The following FGF12 variants were observed in gnomAD, a reference collection of about 807,000 sequenced individuals.
FGF12 encodes fibroblast growth factor 12, also known as fibroblast growth factor 12B.
A neutral mutation model predicts 23.6 loss-of-function variants in FGF12; 14 were observed. The observed-to-expected ratio is 0.59, with a 90% CI of 0.39 to 0.93. FGF12 has a LOEUF of 0.93. FGF12 is among the 40% of genes least tolerant of loss of function. The pLI is 0.00. For missense variants in FGF12, 175 were observed against 217.8 expected, an observed-to-expected ratio of 0.80 and a Z score of 1.24; for synonymous variants, 62 against 77.3, an observed-to-expected ratio of 0.80 and a Z score of 1.04.
chr3:192,220,260 C>T (rs1039747215), intron 4 of FGF12, among the ~76,000 whole-genome samples: 1 of 152,186 alleles, frequency 6.6e-6, no homozygotes, highest in African/African-American at 2.4e-5. Context: ...CTCCACCTAG[C>T]ATCAAAGACC....
chr3:192,552,534 T>TA (rs1577050057), intron 2 of FGF12, among the ~76,000 whole-genome samples: 2 of 78,442 alleles, frequency 2.5e-5, no homozygotes, highest in Admixed American at 2.3e-4. Flanking sequence ...TTAAAATGTA[T>TA]CAAAAAAAAC....
chr3:192,374,008 AACAGTTTCCCATTT>A (rs1376454448), intron 2 of FGF12, among the ~76,000 whole-genome samples: 5 of 152,210 alleles, frequency 3.3e-5, no homozygotes, highest in African/African-American at 1.2e-4. Context: ...AAAAATTGAA[AACAGTTTCCCATTT>A]ACATGTGACA....
intron 2 of FGF12, among the ~76,000 whole-genome samples, chr3:192,368,122 A>G (rs1444728519): frequency 2.0e-5 from 3 of 152,112 alleles, no homozygotes; most frequent in Admixed American, 6.6e-5. Flanking sequence ...AAAAAAACAG[A>G]GCAGAAAAGA....
intron 2 of FGF12, among the ~76,000 whole-genome samples, chr3:192,688,658 C>T (rs1717843927): frequency 6.6e-6 from 1 of 151,846 alleles, no homozygotes; most frequent in Non-Finnish European, 1.5e-5. Flanking sequence ...TAAAGAAGCT[C>T]AGTAAAAAAT....
At chr3:192,428,322 A>C (rs1721754056) in intron 2 of FGF12, among the ~76,000 whole-genome samples, 1 of 152,186 alleles carries the variant, frequency 6.6e-6, no homozygotes, top group Non-Finnish European at 1.5e-5. Context: ...GGTGTGTTAG[A>C]GGGAAGAATC....
At chr3:192,182,100 T>C (rs941492466) in intron 4 of FGF12, among the ~76,000 whole-genome samples, 5 of 152,166 alleles carry the variant, frequency 3.3e-5, no homozygotes, top group African/African-American at 1.2e-4. Flanking sequence ...TAATTAATTA[T>C]AGGCTGGATA....
intron 4 of FGF12, among the ~76,000 whole-genome samples, chr3:192,197,715 C>A (rs944378208): frequency 1.3e-5 from 2 of 151,988 alleles, no homozygotes; most frequent in African/African-American, 2.4e-5. Context: ...GAGGCCGAGG[C>A]GGGAAGATCA....
At chr3:192,159,492 T>C (rs905599171) in intron 5 of FGF12, among the ~76,000 whole-genome samples, 12 of 152,176 alleles carry the variant, frequency 7.9e-5, no homozygotes, top group African/African-American at 2.9e-4. Flanking sequence ...AGCAATTACA[T>C]TCATTTTCTT....
intron 2 of FGF12, among the ~76,000 whole-genome samples, chr3:192,536,997 C>G (rs1277507109): frequency 6.6e-6 from 1 of 152,054 alleles, no homozygotes; most frequent in African/African-American, 2.4e-5. Flanking sequence ...TGTCTATCCC[C>G]CTGAGTTCAA....
intron 3 of FGF12, among the ~76,000 whole-genome samples, chr3:192,353,153 C>A (rs1718301233): frequency 6.6e-6 from 1 of 152,158 alleles, no homozygotes; most frequent in African/African-American, 2.4e-5. Flanking sequence ...AAGCACTAGT[C>A]ATCACACAGA....
intron 4 of FGF12, among the ~76,000 whole-genome samples, chr3:192,324,216 CAGAT>C (rs1276393510): frequency 6.6e-6 from 1 of 151,974 alleles, no homozygotes; most frequent in Non-Finnish European, 1.5e-5. Context: ...TCTCTTTCAA[CAGAT>C]AAAGTCTTGA....
Position 192,142,386 on chromosome 3 carries a change from T to C in FGF12, c.*1623A>G, listed in dbSNP as rs532920249. 6.5e-6 allele frequency: 1 copy of C among 152,674 alleles called. No individual in the cohort carries two copies. Among genetic ancestry groups the C allele is most frequent in the Admixed American group, 6.5e-5 (1 of 15,284 alleles). 9.5% of individuals were successfully genotyped at this position (152,674 alleles called of 1,614,324 possible). On this transcript the variant is annotated 3_prime_UTR_variant, in exon 6 of 6. Transcript: ENST00000445105. ...AGTGTATATATTTTAGGGAGTCATA[T>C]TTGGAACAATACATGCTGGACAGTA...
intron 2 of FGF12, among the ~76,000 whole-genome samples, chr3:192,620,752 A>G (rs143761196): frequency 6.6e-6 from 1 of 152,238 alleles, no homozygotes; most frequent in African/African-American, 2.4e-5. Context: ...CCCAGCTGTG[A>G]GCCCCCCAAC....
chr3:192,675,455 C>G (rs1456922507), intron 2 of FGF12, among the ~76,000 whole-genome samples: 1 of 152,084 alleles, frequency 6.6e-6, no homozygotes, highest in Non-Finnish European at 1.5e-5. Context: ...CACACTCAGA[C>G]ATTTTTGAGA....
At chr3:192,531,117 G>C (rs758991438) in intron 2 of FGF12, among the ~76,000 whole-genome samples, 49 of 152,150 alleles carry the variant, frequency 3.2e-4, no homozygotes, top group Admixed American at 1.4e-3. Flanking sequence ...CAGCCCTGCA[G>C]TTTAATGTTT....
intron 2 of FGF12, among the ~76,000 whole-genome samples, chr3:192,515,957 C>A (rs1359218305): frequency 6.6e-6 from 1 of 151,846 alleles, no homozygotes; most frequent in Non-Finnish European, 1.5e-5. Context: ...CAAGAGGGGA[C>A]TTTAGGGGAC....
intron 2 of FGF12, among the ~76,000 whole-genome samples, chr3:192,537,222 C>T (rs541012420): frequency 6.6e-6 from 1 of 152,200 alleles, no homozygotes; most frequent in South Asian, 2.1e-4. Flanking sequence ...ATTTCAGTTG[C>T]CTCAAAATCT....
At chr3:192,716,670 C>T (rs1233449292) in intron 2 of FGF12, among the ~76,000 whole-genome samples, 4 of 152,164 alleles carry the variant, frequency 2.6e-5, no homozygotes, top group Non-Finnish European at 5.9e-5. Flanking sequence ...ATGCTAACAA[C>T]AAGAATAACA....
In FGF12 at chr3:192,567,763, TTCTTTCTTTC is replaced by T. The variant is rs1250310329; in HGVS notation, c.13+159408_13+159417del. Among the ~76,000 whole-genome samples the T allele has an allele frequency of 1.0e-3, 135 of 131,862 alleles. 5 individuals carry two copies. The East Asian group carries it at 0.015, about 14-fold the overall frequency. 86.5% of individuals were successfully genotyped at this position (131,862 alleles called of 152,430 possible). On this transcript the variant is annotated intron_variant, in intron 2 of 5. Coordinates refer to ENST00000445105, the MANE Select transcript of FGF12 (RefSeq NM_004113.6). The stretch of plus-strand genomic sequence containing the variant: ...TTTCTTTCTTTCTTTCTTTCTTTCT[TTCTTTCTTTC>T]TTTCTTTCTTTCTTTCTTTCTTTCT...
Sources: gnomAD v4.1 joint callset for allele counts (sites outside exome capture counted in the v4.1 genomes callset) on GRCh38, gnomAD v4.1.1 for gene constraint, MANE v1.5 for transcripts, NCBI Gene and HGNC (gene_info 2026-07-23, HGNC 2026-07-21) for gene names.